Variants in EYS observed in about 807,000 individuals in gnomAD.
The protein encoded by EYS is EGF-like photoreceptor maintenance factor.
Under a neutral mutation model 282.1 loss-of-function variants are expected in EYS, and 250 were observed. The ratio of observed to expected loss-of-function variants is 0.89; its 90% confidence interval spans 0.80 to 0.98. The LOEUF (loss-of-function observed/expected upper bound fraction) is 0.98. EYS is among the 50% of genes least tolerant of loss of function. The pLI, the probability that EYS is intolerant of heterozygous loss-of-function variation, is 0.00. For synonymous variants in EYS, 1,355 were observed against 1,282.9 expected (o/e 1.06, Z -1.20); for missense variants, 4,016 against 3,709.0 (o/e 1.08, Z -2.15).
chr6:63,877,790 T>C (rs974773428), intron 35 of EYS, among the ~76,000 whole-genome samples: 1 of 152,194 alleles, frequency 6.6e-6, no homozygotes, highest in African/African-American at 2.4e-5. Flanking sequence ...ATGCATCACG[T>C]AGTTCTTGTG....
chr6:64,329,101 C>T (rs1770536722), intron 29 of EYS, among the ~76,000 whole-genome samples: 1 of 152,024 alleles, frequency 6.6e-6, no homozygotes. Context: ...TCATTAGGCC[C>T]CGAGGAGCCT....
intron 13 of EYS, among the ~76,000 whole-genome samples, chr6:65,051,802 G>A (rs980060795): frequency 1.3e-5 from 2 of 151,466 alleles, no homozygotes; most frequent in Non-Finnish European, 3.0e-5. Flanking sequence ...TAGAATCAGA[G>A]AGTTGAATCA....
chr6:64,930,461 T>TAAAAAAAAA (rs55650031), intron 15 of EYS, among the ~76,000 whole-genome samples: 12 of 123,002 alleles, frequency 9.8e-5, no homozygotes, highest in South Asian at 2.6e-4. Flanking sequence ...ATAAATAAGG[T>TAAAAAAAAA]AAAAAAAAAA....
chr6:65,565,826 T>C (rs145420513), intron 2 of EYS, among the ~76,000 whole-genome samples: 5,489 of 152,098 alleles, frequency 0.036, 264 homozygotes, highest in African/African-American at 0.11. Flanking sequence ...GAAACCATCA[T>C]TCTCAGCAAA....
chr6:64,147,290 A>C (rs1199038021), intron 31 of EYS, among the ~76,000 whole-genome samples: 1 of 152,156 alleles, frequency 6.6e-6, no homozygotes, highest in African/African-American at 2.4e-5. Context: ...GACCTATTGA[A>C]CACCCTGTTT....
At chr6:65,642,076 T>A (rs145192401) in intron 1 of EYS, among the ~76,000 whole-genome samples, 3 of 152,184 alleles carry the variant, frequency 2.0e-5, no homozygotes, top group Non-Finnish European at 2.9e-5. Context: ...CATAACTGAA[T>A]ATATAGGGCC....
chr6:63,813,632 C>A (rs1382433138), intron 36 of EYS, among the ~76,000 whole-genome samples: 1 of 152,072 alleles, frequency 6.6e-6, no homozygotes, highest in Non-Finnish European at 1.5e-5. Context: ...TGTTTTTAAA[C>A]AGATACAAAA....
At chr6:65,148,778 A>C (rs6936587) in intron 12 of EYS, among the ~76,000 whole-genome samples, 5,009 of 152,036 alleles carry the variant, frequency 0.033, 203 homozygotes, top group African/African-American at 0.1. Flanking sequence ...AGGCATTTCC[A>C]TACACCCTCT....
At chr6:65,048,937 A>C (rs990266754) in intron 13 of EYS, among the ~76,000 whole-genome samples, 15 of 151,852 alleles carry the variant, frequency 9.9e-5, no homozygotes, top group African/African-American at 2.9e-4. Context: ...TGATTTCTGC[A>C]AGCAGTTAAT....
chr6:63,840,874 T>C (rs1771938173), intron 36 of EYS, among the ~76,000 whole-genome samples: 2 of 152,176 alleles, frequency 1.3e-5, no homozygotes, highest in African/African-American at 2.4e-5. Context: ...TCTGGGGGAA[T>C]CTATTCTGTT....
At chr6:65,008,198 C>G (rs113473910) in intron 13 of EYS, among the ~76,000 whole-genome samples, 11,082 of 152,158 alleles carry the variant, frequency 0.073, 466 homozygotes, top group African/African-American at 0.12. Flanking sequence ...TCCACTATAA[C>G]ACGGGGAAAG....
intron 31 of EYS, among the ~76,000 whole-genome samples, chr6:64,111,780 C>T (rs570986477): frequency 1.3e-5 from 2 of 151,864 alleles, no homozygotes; most frequent in African/African-American, 4.8e-5. Flanking sequence ...CCAGGCTTAT[C>T]CAGATTTAAA....
chr6:64,081,698 G>C (rs1771975017), intron 32 of EYS, among the ~76,000 whole-genome samples, 158 bp downstream of exon 32: 1 of 152,088 alleles, frequency 6.6e-6, no homozygotes, highest in African/African-American at 2.4e-5. Flanking sequence ...GAAACTTCTA[G>C]AGAAACTACA....
intron 12 of EYS, among the ~76,000 whole-genome samples, chr6:65,182,613 T>C (rs909965710): frequency 1.3e-5 from 2 of 151,952 alleles, no homozygotes; most frequent in African/African-American, 4.8e-5. Flanking sequence ...AATCATAATT[T>C]AAATGCTAAT....
chr6:63,806,394 A>G, intron 36 of EYS, 22 bp from the exon 37 acceptor site: 3 of 1,509,042 alleles, frequency 2.0e-6, no homozygotes, highest in Non-Finnish European at 2.7e-6. Flanking sequence ...CCCAAACCAA[A>G]CAGTTAAAAT....
chr6:65,606,343 A>G (rs1297921561), intron 2 of EYS, among the ~76,000 whole-genome samples: 1 of 151,892 alleles, frequency 6.6e-6, no homozygotes, highest in Non-Finnish European at 1.5e-5. Context: ...CCATACTAAA[A>G]TGTATTTAAA....
In EYS at chr6:65,495,145, A is replaced by C; in HGVS notation, c.266T>G (p.Val89Gly). ...TTGAAGAGATGGTTCAGAAGAAATT[A>C]CAAGGATATCTCCTAATTGAATTTG... The part of the protein sequence containing the change: ...PLQIQLGDIL[V>G]ISSEPSLQFP... Residue 89 changes from valine (V) to glycine (G), a missense_variant, in exon 4 of 43, where the codon GTA becomes GGA. Transcript: ENST00000503581. 1 of 1,614,070 alleles carries C rather than the reference A, an allele frequency of 6.2e-7. No individual in the cohort carries two copies. Among genetic ancestry groups the C allele is most frequent in the Non-Finnish European group, 8.5e-7 (1 of 1,179,934 alleles).
chr6:64,660,322 G>T (rs9363071), intron 22 of EYS, among the ~76,000 whole-genome samples: 74,056 of 139,222 alleles, frequency 0.53, 14,552 homozygotes, highest in African/African-American at 0.6. Context: ...TTTGAAAACT[G>T]GCACAAGACA....
At chr6:63,817,692 T>C (rs1771215823) in intron 36 of EYS, among the ~76,000 whole-genome samples, 1 of 152,262 alleles carries the variant, frequency 6.6e-6, no homozygotes, top group Non-Finnish European at 1.5e-5. Flanking sequence ...GAACTGGTCA[T>C]AAGGCCACTT....
Sources: allele counts gnomAD v4.1 joint callset (sites outside exome capture counted in the v4.1 genomes callset), GRCh38; gene constraint gnomAD v4.1.1; transcripts MANE v1.5; gene names NCBI Gene and HGNC (gene_info 2026-07-23, HGNC 2026-07-21).